The following NID2 variants were observed in gnomAD, a reference collection of about 807,000 sequenced individuals.
NID2 encodes the protein nidogen-2.
In NID2, 83 loss-of-function variants were observed where a neutral mutation model predicts 145.4. The ratio of observed to expected loss-of-function variants is 0.57; its 90% CI spans 0.48 to 0.69. NID2 has a LOEUF of 0.69. NID2 is among the 30% of genes least tolerant of loss of function. The probability of loss-of-function intolerance (pLI) is 0.00; values close to 1 mark genes in which losing one functional copy is unlikely to be tolerated. For missense variants in NID2, 1,807 were observed against 1,765.7 expected, an observed-to-expected ratio of 1.02 and a Z score of -0.42; for synonymous variants, 739 against 701.3, an observed-to-expected ratio of 1.05 and a Z score of -0.85.
intron 14 of NID2, among the ~76,000 whole-genome samples, chr14:52,018,696 T>C (rs1287126851): frequency 6.6e-6 from 1 of 152,234 alleles, no homozygotes; most frequent in Admixed American, 6.5e-5. Flanking sequence ...AAAGCAGTTT[T>C]CCTTCTGGTC....
rs118154565 is a variant in NID2 at position 52,056,088 on chromosome 14, G to A, written c.768-1767C>T. Among the ~76,000 whole-genome samples, 100 of 152,216 alleles carry A rather than the reference G, an allele frequency of 6.6e-4. 3 individuals carry two copies. In the East Asian group the frequency reaches 0.011, roughly 16 times the overall value. Reference sequence around the variant, plus strand: ...TGTTAAGTTCATAAGAATTAATGTTGGTGTTTATTGGCAAGCAAATAAGGA... The same window carrying A: ...TGTTAAGTTCATAAGAATTAATGTTAGTGTTTATTGGCAAGCAAATAAGGA... On this transcript the variant is annotated intron_variant, in intron 3 of 21. Coordinates refer to ENST00000216286, the MANE Select transcript of NID2 (RefSeq NM_007361.4).
chr14:52,025,258 T>C (rs1891549316), intron 12 of NID2, among the ~76,000 whole-genome samples: 1 of 152,254 alleles, frequency 6.6e-6, no homozygotes, highest in Admixed American at 6.5e-5. Flanking sequence ...AGTGTATCTA[T>C]TATAGATATA....
In NID2 at chr14:52,068,919, ACATTAG is replaced by A. The variant is rs1566780533; in HGVS notation, c.70_75del (p.Met25_Leu26del). 3 of 1,613,860 alleles carry A rather than the reference ACATTAG, an allele frequency of 1.9e-6. No individual in the cohort carries two copies. The Admixed American group carries it at 5.0e-5, about 27-fold the overall frequency. On this transcript the variant is annotated inframe_deletion, in exon 1 of 22. Coordinates refer to ENST00000216286, the MANE Select transcript of NID2 (RefSeq NM_007361.4). ...TCTGGGTGCAGCGCCGCGGCCCGCA[ACATTAG>A]CAACGGCAGCAGCAGTAGCACTGGT...
intron 2 of NID2, among the ~76,000 whole-genome samples, chr14:52,064,905 C>A (rs1893135389): frequency 1.3e-5 from 2 of 152,194 alleles, no homozygotes; most frequent in Non-Finnish European, 2.9e-5. Flanking sequence ...CTAACCCCAT[C>A]CCTAAAATGA....
At chr14:52,028,581 G>T in intron 11 of NID2, 141 bp downstream of exon 11, 1 of 961,582 alleles carries the variant, frequency 1.0e-6, no homozygotes, top group Middle Eastern at 2.2e-4. Flanking sequence ...GCCAGCTTTG[G>T]GTTATTTTGA....
intron 2 of NID2, 61 bp downstream of exon 2, chr14:52,067,797 G>T: frequency 6.3e-7 from 1 of 1,584,004 alleles, no homozygotes; most frequent in Non-Finnish European, 8.6e-7. Context: ...CTGGGTCGCT[G>T]CCCCAGAATT....
In NID2 at chr14:52,059,143, C is replaced by T. The variant is rs186732094; in HGVS notation, c.767+981G>A. Among the ~76,000 whole-genome samples the T allele has an allele frequency of 2.6e-5, 4 of 152,328 alleles. No individual in the cohort carries two copies. The East Asian group carries it at 7.7e-4, about 29-fold the overall frequency. Reference sequence around the variant, plus strand: ...AAACTGGGAAAATAGTAGTACTAACCTACAATTCTTGTGAGTTTTAATTAA... The same window carrying T: ...AAACTGGGAAAATAGTAGTACTAACTTACAATTCTTGTGAGTTTTAATTAA... On this transcript the variant is annotated intron_variant, in intron 3 of 21. Transcript: ENST00000216286.
intron 9 of NID2, among the ~76,000 whole-genome samples, chr14:52,030,516 A>AG (rs1244415914): frequency 0.11 from 7,136 of 62,770 alleles, 452 homozygotes; most frequent in Non-Finnish European, 0.13. Flanking sequence ...AGAAAGAAAG[A>AG]AAAGAAAGAA....
In NID2 at chr14:52,053,785, C is replaced by A. The variant is rs1892756467; in HGVS notation, c.1223G>T (p.Trp408Leu). ...TTCGGGGTACGGTGGTGGGGTTTCC[C>A]AGGAAGGAGCCAGTGAATCTCTGTC... ...EVDRDSLAPS[W>L]ETPPPYPENG... Residue 408 changes from tryptophan (W) to leucine (L), a missense_variant, in exon 5 of 22, where the codon TGG (tryptophan) becomes TTG (leucine). Trp to Leu is a moderately conservative substitution (Grantham distance 61). Transcript: ENST00000216286. 1 of 1,614,010 alleles carries A rather than the reference C, an allele frequency of 6.2e-7. No individual in the cohort carries two copies. The highest frequency in any genetic ancestry group is 1.3e-5 in the African/African-American group (1 of 74,918).
In NID2 at chr14:52,020,303, C is replaced by A. The variant is rs1891356941; in HGVS notation, c.2675-125G>T. ...CAGTGAGGTGTCAGCTTCAGAAGAC[C>A]TTTGAGCATGAGCAGAAAAATGCTG... On this transcript the variant is annotated intron_variant, in intron 12 of 21. Transcript: ENST00000216286. 32 of 1,475,402 alleles carry A rather than the reference C, an allele frequency of 2.2e-5. No individual in the cohort carries two copies. The South Asian group carries it at 3.7e-4, about 17-fold the overall frequency. The allele number at this position is 1,475,402 out of a possible 1,614,324, so 91.4% of individuals were successfully genotyped here.
At position 52,040,859 on chromosome 14, in the gene NID2, T is replaced by G; in HGVS notation, c.1826-8A>C. ...CATGGGTAAAGGCAGCACCTGGAGA[T>G]GAAAAACATTCAGCACAGGGATGAA... On this transcript the variant is annotated splice_polypyrimidine_tract_variant and splice_region_variant and intron_variant, in intron 7 of 21. Transcript: ENST00000216286. 1 of 1,613,806 alleles carries G rather than the reference T, an allele frequency of 6.2e-7. No homozygotes were observed.
intron 16 of NID2, among the ~76,000 whole-genome samples, chr14:52,013,724 TCCTC>T (rs1891112528): frequency 6.6e-6 from 1 of 151,998 alleles, no homozygotes; most frequent in African/African-American, 2.4e-5. Context: ...CTCCATCCAC[TCCTC>T]TCCCAGCATC....
At chr14:52,066,238 C>T (rs1893207483) in intron 2 of NID2, among the ~76,000 whole-genome samples, 2 of 150,708 alleles carry the variant, frequency 1.3e-5, no homozygotes, top group Admixed American at 1.3e-4. Flanking sequence ...AGTCCTTATG[C>T]AACATAGAGA....
chr14:52,033,523 G>A (rs2073621), intron 9 of NID2, among the ~76,000 whole-genome samples: 68,434 of 152,000 alleles, frequency 0.45, 16,476 homozygotes, highest in South Asian at 0.57. Flanking sequence ...TACTCACTGG[G>A]AAAGACACCC....
chr14:52,053,799 T>A lies in NID2; in HGVS notation c.1209A>T (p.Ser403=). 1 of 1,614,196 alleles carries A rather than the reference T, an allele frequency of 6.2e-7. No homozygotes were observed. The highest frequency in any genetic ancestry group is 8.5e-7 in the Non-Finnish European group (1 of 1,180,020). ...GTGGGGTTTCCCAGGAAGGAGCCAGTGAATCTCTGTCTACCTCTGGTGGAG... is the reference window on the plus strand; with the variant it reads ...GTGGGGTTTCCCAGGAAGGAGCCAGAGAATCTCTGTCTACCTCTGGTGGAG... ...SPAPPEVDRD[S]LAPSWETPPP... The change falls in exon 5 of 22, where the codon TCA becomes TCT. Residue 403 remains serine (S), a synonymous_variant. Transcript: ENST00000216286.
At chr14:52,037,149 AG>A (rs918259861) in intron 9 of NID2, among the ~76,000 whole-genome samples, 6 of 152,334 alleles carry the variant, frequency 3.9e-5, no homozygotes, top group African/African-American at 1.4e-4. Flanking sequence ...ATATGCTGTG[AG>A]GTAAAAGGTT....
Position 52,020,063 on chromosome 14 carries a change from T to G in NID2, c.2790A>C (p.Ile930=). Residue 930 remains isoleucine, a synonymous_variant, in exon 13 of 22, where the codon ATA becomes ATC. Coordinates refer to ENST00000216286, the MANE Select transcript of NID2 (RefSeq NM_007361.4). ...ATCTGGCCCTCTGAAACTTACCAGG[T>G]ATGCACTGAAATCCATCCCCATAAT... ...PGYYGDGFQC[I]PDSTSSLTPC... is the part of the protein sequence containing the mutation. 1.2e-6 allele frequency: 2 copies of G among 1,613,882 alleles called. No individual in the cohort carries two copies. Among genetic ancestry groups the G allele is most frequent in the Non-Finnish European group, 1.7e-6 (2 of 1,179,810 alleles).
chr14:52,020,069 C>G lies in NID2; in HGVS notation c.2784G>C (p.Gln928His). ...CQPGYYGDGFQCIPDSTSSLT... is the reference protein window; with the variant it reads ...CQPGYYGDGFHCIPDSTSSLT... The stretch of plus-strand genomic sequence containing the variant: ...CCCTCTGAAACTTACCAGGTATGCA[C>G]TGAAATCCATCCCCATAATATCCGG... Residue 928 changes from glutamine to histidine, a missense_variant, in exon 13 of 22, where the codon CAG becomes CAC. Transcript: ENST00000216286. 6.2e-7 allele frequency: 1 copy of G among 1,614,008 alleles called. No homozygotes were observed. Among genetic ancestry groups the G allele is most frequent in the Non-Finnish European group, 8.5e-7 (1 of 1,179,880 alleles).
chr14:52,011,281 G>A (rs1399349858), intron 17 of NID2, among the ~76,000 whole-genome samples: 1 of 152,170 alleles, frequency 6.6e-6, no homozygotes, highest in Admixed American at 6.5e-5. Flanking sequence ...CATCCACAGT[G>A]CCAGAGCCAG....
Sources: allele counts gnomAD v4.1 joint callset (sites outside exome capture counted in the v4.1 genomes callset), GRCh38; gene constraint gnomAD v4.1.1; transcripts MANE v1.5; gene names NCBI Gene and HGNC (gene_info 2026-07-23, HGNC 2026-07-21).